Variants in DHDDS observed in about 807,000 individuals in gnomAD.
DHDDS encodes the protein dehydrodolichyl diphosphate synthase complex subunit DHDDS.
Under a neutral mutation model 46.2 loss-of-function variants are expected in DHDDS, and 16 were observed. The ratio of observed to expected loss-of-function variants is 0.35; its 90% CI spans 0.23 to 0.53. The LOEUF is 0.53. Among genes scored for constraint, DHDDS ranks in the 20% least tolerant of loss-of-function variants. The probability of loss-of-function intolerance (pLI) is 0.94; values close to 1 mark genes in which losing one functional copy is unlikely to be tolerated. For synonymous variants in DHDDS, 151 were observed against 163.1 expected, an observed-to-expected ratio of 0.93 and a Z score of 0.56; for missense variants, 340 against 423.7, an observed-to-expected ratio of 0.80 and a Z score of 1.73.
At chr1:26,464,916 A>G (rs2075466640) in intron 8 of DHDDS, among the ~76,000 whole-genome samples, 1 of 152,198 alleles carries the variant, frequency 6.6e-6, no homozygotes, top group Admixed American at 6.5e-5. Context: ...TAAGGGAAGC[A>G]GGGACTTGGC....
chr1:26,449,133 T>C (rs1313291397), intron 6 of DHDDS, among the ~76,000 whole-genome samples: 1 of 152,152 alleles, frequency 6.6e-6, no homozygotes, highest in Non-Finnish European at 1.5e-5. Context: ...GGAGTCTCGC[T>C]CTGTCTCCAG....
At chr1:26,460,169 AGATGG>A (rs2075408415) in intron 8 of DHDDS, 25 bp downstream of exon 8, 2 of 1,558,088 alleles carry the variant, frequency 1.3e-6, no homozygotes, top group African/African-American at 1.4e-5. Flanking sequence ...AGGGCTGGCC[AGATGG>A]GATGGGATGG....
chr1:26,458,737 C>CAAAA (rs11381495), intron 7 of DHDDS, among the ~76,000 whole-genome samples: 2 of 71,670 alleles, frequency 2.8e-5, no homozygotes, highest in Non-Finnish European at 5.4e-5. Context: ...GACTCTGTCG[C>CAAAA]AAAAAAAAAA....
At chr1:26,452,619 G>A (rs976007367) in intron 6 of DHDDS, among the ~76,000 whole-genome samples, 1 of 152,136 alleles carries the variant, frequency 6.6e-6, no homozygotes, top group Admixed American at 6.5e-5. Context: ...GGTAGATACT[G>A]TTTTTATGCC....
chr1:26,455,938 T>C (rs1360823683), intron 6 of DHDDS, among the ~76,000 whole-genome samples: 1 of 152,190 alleles, frequency 6.6e-6, no homozygotes, highest in Non-Finnish European at 1.5e-5. Flanking sequence ...ATTCTGCTTC[T>C]GGGTAGTTGG....
Position 26,447,611 on chromosome 1 carries a change from G to T in DHDDS, c.493G>T (p.Ala165Ser), listed in dbSNP as rs779814399. ...CACATCCCGTCATGAGATCAGCAAT[G>T]CTGTGAGAGAGATGGCCTGGGGGGT... ...AYTSRHEISN[A>S]VREMAWGVEQ... The change falls in exon 6 of 9, where the codon GCT becomes TCT. Residue 165 changes from alanine to serine, a missense_variant. Coordinates refer to ENST00000236342, the MANE Select transcript of DHDDS (RefSeq NM_205861.3). 5.0e-6 allele frequency: 8 copies of T among 1,614,098 alleles called. No individual in the cohort carries two copies. Among genetic ancestry groups the T allele is most frequent in the Non-Finnish European group, 6.8e-6 (8 of 1,180,046 alleles).
chr1:26,467,188 C>T lies in DHDDS; in HGVS notation c.766-1707C>T, dbSNP rs147473023. 5 of 374,084 alleles carry T rather than the reference C, an allele frequency of 1.3e-5. No homozygotes were observed. In the East Asian group the frequency reaches 2.2e-4, roughly 17 times the overall value. 23.2% of individuals were successfully genotyped at this position (374,084 alleles called of 1,614,324 possible). ...ACCCTTACCACATCCTATTTTGCATCGTGGCACTCTGTGTGCATGGCTGTA... is the reference window on the plus strand; with the variant it reads ...ACCCTTACCACATCCTATTTTGCATTGTGGCACTCTGTGTGCATGGCTGTA... On this transcript the variant is annotated intron_variant, in intron 8 of 8. Coordinates refer to ENST00000236342, the MANE Select transcript of DHDDS (RefSeq NM_205861.3).
chr1:26,454,305 C>G (rs1418567909), intron 6 of DHDDS, among the ~76,000 whole-genome samples: 1 of 152,100 alleles, frequency 6.6e-6, no homozygotes, highest in African/African-American at 2.4e-5. Context: ...GGCTGGAATG[C>G]ACTGGCACAA....
intron 1 of DHDDS, 120 bp downstream of exon 1, chr1:26,432,496 C>T: frequency 4.2e-6 from 1 of 235,730 alleles, no homozygotes; most frequent in Non-Finnish European, 8.6e-6. Context: ...GCGTGAAGTA[C>T]TAGGCGTGCG....
chr1:26,443,392 C>T (rs548956272), intron 4 of DHDDS, among the ~76,000 whole-genome samples: 1 of 152,296 alleles, frequency 6.6e-6, no homozygotes, highest in South Asian at 2.1e-4. Context: ...TGTACTCCCC[C>T]TGCATAGTCT....
At chr1:26,466,542 C>G (rs2075489079) in intron 8 of DHDDS, among the ~76,000 whole-genome samples, 1 of 152,210 alleles carries the variant, frequency 6.6e-6, no homozygotes, top group African/African-American at 2.4e-5. Context: ...CGAGCAGACA[C>G]CCTCCCAACT....
At chr1:26,457,665 G>T in intron 6 of DHDDS, 126 bp from the exon 7 acceptor site, 1 of 743,660 alleles carries the variant, frequency 1.3e-6, no homozygotes, top group Non-Finnish European at 2.4e-6. Flanking sequence ...GTGTAGTATT[G>T]GCTAGTGTAT....
At chr1:26,458,752 AAAAAG>A (rs1482623541) in intron 7 of DHDDS, among the ~76,000 whole-genome samples, 3 of 151,798 alleles carry the variant, frequency 2.0e-5, no homozygotes, top group Non-Finnish European at 2.9e-5. Flanking sequence ...AAAAAAAAAA[AAAAAG>A]AAAAGAAATA....
At chr1:26,450,097 T>C (rs1481855926) in intron 6 of DHDDS, among the ~76,000 whole-genome samples, 1 of 152,172 alleles carries the variant, frequency 6.6e-6, no homozygotes, top group African/African-American at 2.4e-5. Flanking sequence ...AAGCCATCTG[T>C]GTATAGGTTA....
At chr1:26,443,040 CT>C in intron 4 of DHDDS, 167 bp downstream of exon 4, 1 of 1,096,036 alleles carries the variant, frequency 9.1e-7, no homozygotes, top group Non-Finnish European at 1.2e-6. Flanking sequence ...GTCTTTCATT[CT>C]TTATTTCTAA....
intron 2 of DHDDS, among the ~76,000 whole-genome samples, chr1:26,435,916 A>G (rs2075149944): frequency 6.6e-6 from 1 of 151,820 alleles, no homozygotes; most frequent in African/African-American, 2.4e-5. Flanking sequence ...CCCAGCCCTA[A>G]TTTTCACATT....
At chr1:26,434,407 C>T (rs938350775) in intron 2 of DHDDS, among the ~76,000 whole-genome samples, 4 of 152,122 alleles carry the variant, frequency 2.6e-5, no homozygotes, top group Admixed American at 2.6e-4. Context: ...TCAAGCAGTC[C>T]AGGAAATGGG....
At position 26,468,929 on chromosome 1, in the gene DHDDS, G is replaced by A; in HGVS notation, c.800G>A (p.Arg267Lys). ...ARDMYAEERK[R>K]QQLERDQATV... ...GACATGTATGCAGAGGAGCGGAAGA[G>A]GCAGCAGCTGGAGAGGGACCAGGCT... Residue 267 changes from arginine (R) to lysine (K), a missense_variant, in exon 9 of 9, where the codon AGG becomes AAG. Arg to Lys is a conservative substitution (Grantham distance 26). Transcript: ENST00000236342. The A allele has an allele frequency of 6.2e-7, 1 of 1,614,074 alleles. No homozygotes were observed. Among genetic ancestry groups the A allele is most frequent in the Non-Finnish European group, 8.5e-7 (1 of 1,180,016 alleles).
intron 6 of DHDDS, among the ~76,000 whole-genome samples, chr1:26,457,463 C>CT (rs1480218653): frequency 1.3e-5 from 2 of 149,832 alleles, no homozygotes; most frequent in Admixed American, 6.7e-5. Flanking sequence ...GTGTGAGACT[C>CT]TATCTCAAAT....
Sources: allele counts gnomAD v4.1 joint callset (sites outside exome capture counted in the v4.1 genomes callset), GRCh38; gene constraint gnomAD v4.1.1; transcripts MANE v1.5; gene names NCBI Gene and HGNC (gene_info 2026-07-23, HGNC 2026-07-21).